NRG1: variants seen among roughly 807,000 people sequenced by gnomAD.
The protein encoded by NRG1 is neuregulin 1.
A neutral mutation model predicts 63.8 loss-of-function variants in NRG1; 18 were observed. That is an observed-to-expected ratio of 0.28 (90% confidence interval 0.19 to 0.42). The LOEUF is 0.42. NRG1 is among the 10% of genes least tolerant of loss of function. The pLI is 1.00. For missense variants in NRG1, 762 were observed against 814.7 expected, an observed-to-expected ratio of 0.94 and a Z score of 0.79; for synonymous variants, 302 against 301.3, an observed-to-expected ratio of 1.00 and a Z score of -0.02.
intron 1 of NRG1, among the ~76,000 whole-genome samples, chr8:32,248,987 A>G (rs540370305): frequency 1.9e-4 from 29 of 152,122 alleles, no homozygotes; most frequent in African/African-American, 6.7e-4. Flanking sequence ...TTTTTCCCCT[A>G]CAGTAAAAGT....
At chr8:31,899,097 T>G (rs116498086) in intron 1 of NRG1, among the ~76,000 whole-genome samples, 5 of 143,922 alleles carry the variant, frequency 3.5e-5, no homozygotes, top group Non-Finnish European at 7.6e-5. Flanking sequence ...TATTAAAAAA[T>G]TTTTAAGTTT....
At chr8:31,730,502 T>A (rs1296651935) in intron 1 of NRG1, among the ~76,000 whole-genome samples, 2 of 152,176 alleles carry the variant, frequency 1.3e-5, no homozygotes, top group East Asian at 3.9e-4. Context: ...TTAAAAAATA[T>A]GTTTCAAATT....
chr8:32,728,440 A>G (rs1449344321), intron 6 of NRG1: 2 of 985,190 alleles, frequency 2.0e-6, no homozygotes, highest in East Asian at 1.1e-4. Flanking sequence ...CAATGTATGA[A>G]TTAAGCTGTA....
At chr8:32,460,859 A>G (rs934035334) in intron 1 of NRG1, among the ~76,000 whole-genome samples, 7 of 152,192 alleles carry the variant, frequency 4.6e-5, no homozygotes, top group Admixed American at 2.6e-4. Flanking sequence ...AGAAAAGCCA[A>G]CCACTCGTTC....
intron 1 of NRG1, among the ~76,000 whole-genome samples, chr8:32,049,540 C>T (rs2130794034): frequency 6.6e-6 from 1 of 152,192 alleles, no homozygotes; most frequent in South Asian, 2.1e-4. Context: ...CTTTTCATTA[C>T]CATTAGAAAG....
chr8:32,041,382 C>T (rs1445801595), intron 1 of NRG1, among the ~76,000 whole-genome samples: 1 of 152,234 alleles, frequency 6.6e-6, no homozygotes, highest in African/African-American at 2.4e-5. Context: ...CTGAATACAA[C>T]TATCAAACCT....
chr8:32,312,616 T>G (rs1012118152), intron 1 of NRG1, among the ~76,000 whole-genome samples: 1 of 152,040 alleles, frequency 6.6e-6, no homozygotes, highest in East Asian at 1.9e-4. Flanking sequence ...AGGACAGCCC[T>G]GTGTGGCTCC....
At chr8:31,729,212 G>T (rs1449531895) in intron 1 of NRG1, among the ~76,000 whole-genome samples, 3 of 148,828 alleles carry the variant, frequency 2.0e-5, no homozygotes, top group African/African-American at 7.5e-5. Flanking sequence ...AAGACTTGGA[G>T]GTGGGATTTA....
At chr8:31,856,403 A>T (rs936031473) in intron 1 of NRG1, among the ~76,000 whole-genome samples, 4 of 152,034 alleles carry the variant, frequency 2.6e-5, no homozygotes, top group African/African-American at 9.7e-5. Context: ...AGTTGATTGC[A>T]TTGGCTCTTG....
intron 1 of NRG1, among the ~76,000 whole-genome samples, chr8:31,652,321 T>C (rs1804934228): frequency 6.6e-6 from 1 of 152,230 alleles, no homozygotes; most frequent in South Asian, 2.1e-4. Context: ...TGTAACAGCC[T>C]CTTTATGCAT....
At chr8:32,280,604 T>G (rs1204653550) in intron 1 of NRG1, among the ~76,000 whole-genome samples, 2 of 151,078 alleles carry the variant, frequency 1.3e-5, no homozygotes, top group East Asian at 4.0e-4. Flanking sequence ...GTGTTTGGGG[T>G]TTCAGTATGT....
chr8:32,691,667 T>G (rs1162541356), intron 5 of NRG1, among the ~76,000 whole-genome samples: 2 of 152,370 alleles, frequency 1.3e-5, no homozygotes, highest in East Asian at 3.9e-4. Flanking sequence ...GATTGAAACT[T>G]TGGGAAAATG....
chr8:32,022,411 A>T (rs1444824911), intron 1 of NRG1, among the ~76,000 whole-genome samples: 3 of 152,162 alleles, frequency 2.0e-5, no homozygotes, highest in Non-Finnish European at 4.4e-5. Flanking sequence ...TTAAAAAATC[A>T]GATGATTTAT....
intron 5 of NRG1, among the ~76,000 whole-genome samples, chr8:32,723,318 T>C (rs1821122910): frequency 6.6e-6 from 1 of 152,206 alleles, no homozygotes; most frequent in Non-Finnish European, 1.5e-5. Flanking sequence ...GAGTTGGTCA[T>C]GGTCTTACAA....
At chr8:32,169,415 G>A (rs748944506) in intron 1 of NRG1, among the ~76,000 whole-genome samples, 17 of 152,118 alleles carry the variant, frequency 1.1e-4, no homozygotes, top group Non-Finnish European at 1.9e-4. Flanking sequence ...GTCGGAGTAG[G>A]GACAAAACTA....
chr8:32,146,735 T>A (rs570272820), intron 1 of NRG1, among the ~76,000 whole-genome samples: 77 of 152,196 alleles, frequency 5.1e-4, no homozygotes, highest in Non-Finnish European at 2.6e-4. Flanking sequence ...TTCTTTTTTT[T>A]TAAAAAAAGC....
Position 31,986,037 on chromosome 8 carries a change from T to C in NRG1, c.37+346606T>C, listed in dbSNP as rs185021377. Among the ~76,000 whole-genome samples, 88 of 152,282 alleles carry C rather than the reference T, an allele frequency of 5.8e-4. 1 individual carries two copies. The East Asian group carries it at 0.016, about 27-fold the overall frequency. On this transcript the variant is annotated intron_variant, in intron 1 of 10. Transcript: ENST00000519301. ...TAACTTATCCTCTAAGTGATCTCAG[T>C]CGAATCATTTGCTGTCTTGGTTTCA... is the stretch of plus-strand genomic sequence containing the variant.
chr8:32,668,931 A>G (rs1168669296), intron 5 of NRG1, among the ~76,000 whole-genome samples: 1 of 152,152 alleles, frequency 6.6e-6, no homozygotes, highest in Non-Finnish European at 1.5e-5. Flanking sequence ...GGTTGTGTCG[A>G]ATAGAATTGT....
intron 1 of NRG1, among the ~76,000 whole-genome samples, chr8:31,721,915 G>C (rs1236155273): frequency 6.6e-6 from 1 of 152,028 alleles, no homozygotes; most frequent in East Asian, 1.9e-4. Context: ...AATTCCTCCT[G>C]TGTGAACTCA....
Sources: allele counts gnomAD v4.1 joint callset (sites outside exome capture counted in the v4.1 genomes callset), GRCh38; gene constraint gnomAD v4.1.1; transcripts MANE v1.5; gene names NCBI Gene and HGNC (gene_info 2026-07-23, HGNC 2026-07-21).